The following FTO variants were observed in gnomAD, a reference collection of about 807,000 sequenced individuals.
FTO encodes alpha-ketoglutarate-dependent dioxygenase FTO.
FTO carries 47 observed loss-of-function variants against 63.9 expected under a neutral mutation model. The observed-to-expected ratio is 0.74, with a 90% confidence interval of 0.58 to 0.94. The LOEUF (loss-of-function observed/expected upper bound fraction) is 0.94. Ranked by LOEUF, FTO falls within the 40% of genes least tolerant of loss-of-function variation. The pLI, the probability that FTO is intolerant of heterozygous loss-of-function variation, is 0.00. For synonymous variants in FTO, 207 were observed against 224.4 expected (o/e 0.92, Z 0.69); for missense variants, 562 against 618.1 (o/e 0.91, Z 0.96).
rs372269813 is a variant in FTO at position 53,884,642 on chromosome 16, A to G, written c.1120-4190A>G. ...TGACGTTTGCTGACCCGTTGGAATG[A>G]TGGATATGATTTACAACTATATGGT... On this transcript the variant is annotated intron_variant, in intron 6 of 8. Transcript: ENST00000471389. Among the ~76,000 whole-genome samples, 12 of 152,338 alleles carry G rather than the reference A, an allele frequency of 7.9e-5. No individual in the cohort carries two copies. In the South Asian group the frequency reaches 2.1e-3, roughly 26 times the overall value.
At chr16:53,745,004 T>C (rs1197438104) in intron 1 of FTO, among the ~76,000 whole-genome samples, 1 of 152,196 alleles carries the variant, frequency 6.6e-6, no homozygotes, top group Non-Finnish European at 1.5e-5. Context: ...TTTCTACTCT[T>C]TACCTACTTG....
chr16:54,014,434 A>T (rs1456750797), intron 8 of FTO, among the ~76,000 whole-genome samples: 1 of 151,808 alleles, frequency 6.6e-6, no homozygotes, highest in African/African-American at 2.4e-5. Flanking sequence ...TCTCCGTGTG[A>T]TGCCTGCTTC....
chr16:54,100,812 G>C (rs772202453), intron 8 of FTO, among the ~76,000 whole-genome samples: 13 of 152,188 alleles, frequency 8.5e-5, no homozygotes, highest in Admixed American at 6.5e-4. Context: ...TTTTGAGAGG[G>C]ACAGGAGAAA....
At chr16:53,931,879 C>G (rs2082292870) in intron 7 of FTO, among the ~76,000 whole-genome samples, 1 of 150,222 alleles carries the variant, frequency 6.7e-6, no homozygotes, top group African/African-American at 2.5e-5. Context: ...TAAACACACA[C>G]ACACACACAC....
intron 8 of FTO, among the ~76,000 whole-genome samples, chr16:54,008,166 C>T (rs1158648901): frequency 6.6e-6 from 1 of 152,118 alleles, no homozygotes; most frequent in Non-Finnish European, 1.5e-5. Flanking sequence ...CTTCCATTAC[C>T]TTTGATACGT....
At chr16:53,815,680 GCT>G (rs901232319) in intron 2 of FTO, among the ~76,000 whole-genome samples, 1 of 115,542 alleles carries the variant, frequency 8.7e-6, no homozygotes, top group African/African-American at 3.9e-5. Flanking sequence ...ACAGAGTCCC[GCT>G]CTGTCACCCA....
At chr16:54,060,173 G>A (rs1481302424) in intron 8 of FTO, among the ~76,000 whole-genome samples, 1 of 152,108 alleles carries the variant, frequency 6.6e-6, no homozygotes, top group African/African-American at 2.4e-5. Flanking sequence ...AGTGATGGTG[G>A]AATGATCAAA....
chr16:53,835,557 T>C (rs2079266079), intron 3 of FTO, among the ~76,000 whole-genome samples: 1 of 152,216 alleles, frequency 6.6e-6, no homozygotes, highest in Admixed American at 6.5e-5. Context: ...GTGTTCATTT[T>C]AAGAGTTCTG....
chr16:53,798,945 A>G (rs923075469), intron 1 of FTO, among the ~76,000 whole-genome samples: 1 of 152,148 alleles, frequency 6.6e-6, no homozygotes, highest in Non-Finnish European at 1.5e-5. Context: ...TATCAGGGTC[A>G]TTGTTGGGTA....
intron 8 of FTO, among the ~76,000 whole-genome samples, chr16:53,964,952 A>T (rs951927139): frequency 1.5e-4 from 23 of 152,204 alleles, no homozygotes; most frequent in African/African-American, 4.8e-4. Context: ...CTTTTTTCCC[A>T]ATAAGCATTT....
chr16:53,783,613 A>ATC (rs1249029333), intron 1 of FTO, among the ~76,000 whole-genome samples: 3 of 149,456 alleles, frequency 2.0e-5, no homozygotes, highest in African/African-American at 4.9e-5. Context: ...ATAAAAAAAA[A>ATC]AAAAAAAAAA....
chr16:53,819,171 T>C (rs918636068), intron 2 of FTO, among the ~76,000 whole-genome samples: 3 of 151,808 alleles, frequency 2.0e-5, no homozygotes, highest in African/African-American at 7.3e-5. Flanking sequence ...TTTTCCAACT[T>C]TGATACAGTT....
At chr16:53,914,895 G>A (rs1034611734) in intron 7 of FTO, among the ~76,000 whole-genome samples, 1 of 152,072 alleles carries the variant, frequency 6.6e-6, no homozygotes, top group Non-Finnish European at 1.5e-5. Flanking sequence ...ATACTTGAAG[G>A]TCAAATGCTT....
At chr16:53,748,102 T>G (rs963757395) in intron 1 of FTO, among the ~76,000 whole-genome samples, 3 of 152,196 alleles carry the variant, frequency 2.0e-5, no homozygotes, top group Non-Finnish European at 4.4e-5. Flanking sequence ...CCTCCAGCTT[T>G]GTTCTTTTTG....
intron 8 of FTO, among the ~76,000 whole-genome samples, chr16:54,049,256 A>G (rs2085258306): frequency 6.6e-6 from 1 of 152,190 alleles, no homozygotes; most frequent in East Asian, 1.9e-4. Context: ...GTTTATTTCT[A>G]CAAGTACCGT....
At chr16:53,827,319 C>A (rs1372662057) in intron 3 of FTO, among the ~76,000 whole-genome samples, 1 of 152,144 alleles carries the variant, frequency 6.6e-6, no homozygotes, top group African/African-American at 2.4e-5. Flanking sequence ...TGGAGGAGAG[C>A]ATGACCTCTG....
chr16:53,888,778 C>T (rs1441782814), intron 6 of FTO, 54 bp from the exon 7 acceptor site: 18 of 1,602,776 alleles, frequency 1.1e-5, no homozygotes, highest in Admixed American at 3.3e-5. Context: ...TCATTGTCCT[C>T]GCTTGTCTAT....
chr16:54,062,478 G>A (rs2085603952), intron 8 of FTO, among the ~76,000 whole-genome samples: 1 of 152,188 alleles, frequency 6.6e-6, no homozygotes, highest in African/African-American at 2.4e-5. Context: ...CCTCACCTAA[G>A]AGCAGGTGAC....
At chr16:53,961,114 A>T (rs1254971034) in intron 8 of FTO, among the ~76,000 whole-genome samples, 1 of 152,148 alleles carries the variant, frequency 6.6e-6, no homozygotes, top group Admixed American at 6.5e-5. Context: ...ACGCCAGTGT[A>T]AATGAGAGAT....
Sources: allele counts gnomAD v4.1 joint callset (sites outside exome capture counted in the v4.1 genomes callset), GRCh38; gene constraint gnomAD v4.1.1; transcripts MANE v1.5; gene names NCBI Gene and HGNC (gene_info 2026-07-23, HGNC 2026-07-21).